The following ACOT13 variants were observed in gnomAD, a reference collection of about 807,000 sequenced individuals.
The protein encoded by ACOT13 is acyl-coenzyme A thioesterase 13.
ACOT13 carries 10 observed loss-of-function variants against 11.8 expected under a neutral mutation model. The observed-to-expected ratio is 0.85, with a 90% CI of 0.53 to 1.44. The LOEUF (loss-of-function observed/expected upper bound fraction) is 1.44, where lower values mean the gene tolerates loss of function less well. Ranked by LOEUF, ACOT13 falls within the 40% of genes most tolerant of loss-of-function variation. The pLI, the probability that ACOT13 is intolerant of heterozygous loss-of-function variation, is 0.00. For synonymous variants in ACOT13, 53 were observed against 61.0 expected (o/e 0.87, Z 0.61); for missense variants, 172 against 174.1 (o/e 0.99, Z 0.07).
In ACOT13 at chr6:24,702,225, C is replaced by G. The variant is rs1293933704; in HGVS notation, c.*610C>G. 1 of 152,608 alleles carries G rather than the reference C, an allele frequency of 6.6e-6. No homozygotes were observed. The highest frequency in any genetic ancestry group is 6.5e-5 in the Admixed American group (1 of 15,290). 9.5% of individuals were successfully genotyped at this position (152,608 alleles called of 1,614,324 possible). ...CCCTGGGTTCAAGTGATTCTCCTGC[C>G]TCAGCCTCCCAAGTAGCTGGGACTA... On this transcript the variant is annotated 3_prime_UTR_variant, in exon 3 of 3. Coordinates refer to ENST00000230048, the MANE Select transcript of ACOT13 (RefSeq NM_018473.4).
intron 1 of ACOT13, among the ~76,000 whole-genome samples, chr6:24,673,116 TC>T (rs1278235864): frequency 1.3e-5 from 2 of 152,184 alleles, no homozygotes; most frequent in Non-Finnish European, 2.9e-5. Context: ...AATTAAAAAA[TC>T]TTTTTTTAAT....
At chr6:24,673,066 T>C (rs1170139140) in intron 1 of ACOT13, among the ~76,000 whole-genome samples, 3 of 152,228 alleles carry the variant, frequency 2.0e-5, no homozygotes, top group Non-Finnish European at 4.4e-5. Context: ...ACAAGGACTT[T>C]AAAAGCACAT....
chr6:24,672,954 G>A (rs1266571254), intron 1 of ACOT13, among the ~76,000 whole-genome samples: 2 of 152,088 alleles, frequency 1.3e-5, no homozygotes, highest in Non-Finnish European at 2.9e-5. Flanking sequence ...CGTCTTCTAC[G>A]GGGCCTGAAG....
At chr6:24,687,205 C>T (rs980531309) in intron 1 of ACOT13, among the ~76,000 whole-genome samples, 5 of 152,238 alleles carry the variant, frequency 3.3e-5, no homozygotes, top group Non-Finnish European at 5.9e-5. Flanking sequence ...AACAATAACT[C>T]TCCATTTCTC....
intron 1 of ACOT13, among the ~76,000 whole-genome samples, chr6:24,673,071 G>C (rs1778388469): frequency 6.6e-6 from 1 of 152,088 alleles, no homozygotes; most frequent in Non-Finnish European, 1.5e-5. Context: ...GACTTTAAAA[G>C]CACATACAGG....
intron 1 of ACOT13, among the ~76,000 whole-genome samples, chr6:24,683,366 T>C (rs1778583105): frequency 1.3e-5 from 2 of 152,112 alleles, no homozygotes; most frequent in Admixed American, 6.5e-5. Context: ...GGTGAAACCC[T>C]GTCTCTACCA....
intron 1 of ACOT13, 132 bp downstream of exon 1, chr6:24,667,476 A>G (rs1434362817): frequency 4.3e-5 from 34 of 786,648 alleles, no homozygotes; most frequent in Non-Finnish European, 6.5e-5. Context: ...AATTCACCTT[A>G]GTAATAATGA....
intron 2 of ACOT13, among the ~76,000 whole-genome samples, chr6:24,700,450 T>C (rs1034733664): frequency 7.3e-6 from 1 of 136,546 alleles, no homozygotes; most frequent in Non-Finnish European, 1.6e-5. Context: ...TTTTTTTTTT[T>C]TGTGAGATGG....
At chr6:24,701,356 T>C (rs1434855479) in intron 2 of ACOT13, 103 bp from the exon 3 acceptor site, 5 of 1,051,620 alleles carry the variant, frequency 4.8e-6, no homozygotes, top group Non-Finnish European at 5.4e-6. Context: ...GTTAAAACTA[T>C]TTTTAGGAGT....
chr6:24,670,664 T>A, intron 1 of ACOT13, among the ~76,000 whole-genome samples: 1 of 152,232 alleles, frequency 6.6e-6, no homozygotes, highest in East Asian at 1.9e-4. Context: ...GTTTACAAAT[T>A]CTGGAGAAAT....
intron 1 of ACOT13, among the ~76,000 whole-genome samples, chr6:24,671,723 A>G (rs1385406779): frequency 6.6e-6 from 1 of 152,202 alleles, no homozygotes; most frequent in Non-Finnish European, 1.5e-5. Context: ...CCAAAACAAC[A>G]CAACAATTGT....
chr6:24,673,337 C>A (rs1778391565), intron 1 of ACOT13, among the ~76,000 whole-genome samples: 2 of 151,686 alleles, frequency 1.3e-5, no homozygotes, highest in South Asian at 2.1e-4. Flanking sequence ...ATTGAACTTT[C>A]AGTTTTAAAA....
rs200235265 is a variant in ACOT13, at chr6:24,697,932, T to A, written c.131T>A (p.Val44Glu). ...APGKVICEMK[V>E]EEEHTNAIGT... ...GGGAAAGTGATTTGTGAAATGAAAG[T>A]AGAAGAAGAGCATACCAATGCAATA... Residue 44 changes from valine to glutamate, a missense_variant, in exon 2 of 3, where the codon GTA becomes GAA. Physicochemically the swap from Val to Glu is moderately radical, Grantham distance 121. Transcript: ENST00000230048. The A allele has an allele frequency of 9.3e-6, 15 of 1,613,208 alleles. No homozygotes were observed. Among genetic ancestry groups the A allele is most frequent in the Admixed American group, 5.0e-5 (3 of 59,790 alleles).
intron 1 of ACOT13, among the ~76,000 whole-genome samples, chr6:24,682,072 A>T (rs1053522189): frequency 6.6e-6 from 1 of 152,188 alleles, no homozygotes; most frequent in Non-Finnish European, 1.5e-5. Flanking sequence ...CTCCAAGCAG[A>T]CCAACGTCCC....
In ACOT13 at chr6:24,685,019, A is replaced by T. The variant is rs192466485; in HGVS notation, c.82-12864A>T. Reference sequence around the variant, plus strand: ...AAGTGAGACCCTGTCTCTAAAAAAAATTTTTTTTTAATTTTTTTGAGTCTT... The same window carrying T: ...AAGTGAGACCCTGTCTCTAAAAAAATTTTTTTTTTAATTTTTTTGAGTCTT... On this transcript the variant is annotated intron_variant, in intron 1 of 2. Coordinates refer to ENST00000230048, the MANE Select transcript of ACOT13 (RefSeq NM_018473.4). Among the ~76,000 whole-genome samples the T allele has an allele frequency of 4.2e-3, 634 of 151,822 alleles. 3 individuals are homozygous for T. The highest frequency in any genetic ancestry group is 0.018 in the Admixed American group (275 of 15,246).
At position 24,667,216 on chromosome 6, in the gene ACOT13, C is replaced by A; in HGVS notation, c.-48C>A. ...CTAACTTCTGGACTTTCCAGCTCTT[C>A]CGAAGTTCGTTCTTGCGCAAAGCCC... On this transcript the variant is annotated 5_prime_UTR_variant, in exon 1 of 3. Transcript: ENST00000230048. The A allele has an allele frequency of 1.3e-6, 2 of 1,580,266 alleles. No individual in the cohort carries two copies. The highest frequency in any genetic ancestry group is 2.2e-5 in the South Asian group (2 of 89,266).
At position 24,702,296 on chromosome 6, in the gene ACOT13, G is replaced by C. The variant is rs1322493327; in HGVS notation, c.*681G>C. The C allele has an allele frequency of 6.6e-6, 1 of 152,180 alleles. No homozygotes were observed. Among genetic ancestry groups the C allele is most frequent in the African/African-American group, 2.4e-5 (1 of 41,406 alleles). 9.4% of individuals were successfully genotyped at this position (152,180 alleles called of 1,614,324 possible). A position where few individuals can be genotyped will look rare whatever the true frequency, so the allele number is the denominator to read the frequency against. ...TAGCTAATTTTTGTAGTTTTTTGTA[G>C]AAACAGGGTTCACCATGTTGGCCAG... On this transcript the variant is annotated 3_prime_UTR_variant, in exon 3 of 3. Transcript: ENST00000230048.
intron 1 of ACOT13, among the ~76,000 whole-genome samples, chr6:24,676,092 T>C (rs1337659156): frequency 6.6e-6 from 1 of 152,250 alleles, no homozygotes; most frequent in Non-Finnish European, 1.5e-5. Flanking sequence ...TATCTCTGTT[T>C]TGGTACCAGT....
At chr6:24,670,109 T>A (rs1427649021) in intron 1 of ACOT13, among the ~76,000 whole-genome samples, 1 of 152,206 alleles carries the variant, frequency 6.6e-6, no homozygotes, top group Admixed American at 6.5e-5. Flanking sequence ...TTGAAACAAT[T>A]TTTCTCTCTC....
Sources: allele counts gnomAD v4.1 joint callset (sites outside exome capture counted in the v4.1 genomes callset), GRCh38; gene constraint gnomAD v4.1.1; transcripts MANE v1.5; gene names NCBI Gene and HGNC (gene_info 2026-07-23, HGNC 2026-07-21).